RAB25: variants seen among roughly 807,000 people sequenced by gnomAD.
RAB25 encodes ras-related protein Rab-25.
A neutral mutation model predicts 25.2 loss-of-function variants in RAB25; 23 were observed. The ratio of observed to expected loss-of-function variants is 0.91; its 90% CI spans 0.66 to 1.29. The LOEUF (loss-of-function observed/expected upper bound fraction) is 1.29, where lower values mean the gene tolerates loss of function less well. Ranked by LOEUF, RAB25 falls within the 50% of genes most tolerant of loss-of-function variation. The pLI, the probability that RAB25 is intolerant of heterozygous loss-of-function variation, is 0.00. For missense variants in RAB25, 244 were observed against 277.3 expected (o/e 0.88, Z 0.85); for synonymous variants, 102 against 111.5 (o/e 0.91, Z 0.54).
intron 3 of RAB25, 25 bp from the exon 4 acceptor site, chr1:156,069,639 CACAATTA>C: frequency 5.3e-6 from 8 of 1,516,300 alleles, no homozygotes; most frequent in Non-Finnish European, 7.3e-6. Flanking sequence ...CTTTGACTCC[CACAATTA>C]ATGGTGTGTT....
At chr1:156,069,246 A>G (rs1293861385) in intron 3 of RAB25, among the ~76,000 whole-genome samples, 1 of 151,956 alleles carries the variant, frequency 6.6e-6, no homozygotes, top group African/African-American at 2.4e-5. Context: ...CAGTGGCACG[A>G]TCTTGGCTCA....
chr1:156,065,951 A>C lies in RAB25; in HGVS notation c.84A>C (p.Leu28=). ...AATCAGGTGTGGGGAAGACCAATCT[A>C]CTCTCCCGATTCACGCGCAATGAGT... is the stretch of plus-strand genomic sequence containing the variant. ...IGESGVGKTN[L]LSRFTRNEFS... is the part of the protein sequence containing the mutation. The change falls in exon 2 of 5, where the codon CTA becomes CTC. Residue 28 remains leucine (L), a synonymous_variant. Transcript: ENST00000361084. 2 of 1,611,268 alleles carry C rather than the reference A, an allele frequency of 1.2e-6. No individual in the cohort carries two copies. Among genetic ancestry groups the C allele is most frequent in the African/African-American group, 1.3e-5 (1 of 74,568 alleles).
At chr1:156,070,114 T>C (rs1370559404) in intron 4 of RAB25, 46 bp from the exon 5 acceptor site, 10 of 1,613,850 alleles carry the variant, frequency 6.2e-6, no homozygotes, top group Non-Finnish European at 8.5e-6. Flanking sequence ...GAAGGGAGCA[T>C]GGGCTCTAAA....
In RAB25 at chr1:156,068,262, C is replaced by G. The variant is rs754624254; in HGVS notation, c.240-8C>G. 1 of 1,603,702 alleles carries G rather than the reference C, an allele frequency of 6.2e-7. No individual in the cohort carries two copies. The highest frequency in any genetic ancestry group is 1.3e-5 in the African/African-American group (1 of 74,732). On this transcript the variant is annotated splice_region_variant and splice_polypyrimidine_tract_variant and intron_variant, in intron 2 of 4. Transcript: ENST00000361084. ...GTATCTCTGTCCATCCTTCTCATTC[C>G]CACCCAGGTACTATCGTGGTGCAGT...
chr1:156,062,756 G>A (rs1374842239), intron 1 of RAB25, among the ~76,000 whole-genome samples: 1 of 152,054 alleles, frequency 6.6e-6, no homozygotes, highest in Non-Finnish European at 1.5e-5. Flanking sequence ...CCACTTACAA[G>A]TATTGCGGGT....
chr1:156,067,076 T>TA (rs1312576450), intron 2 of RAB25, among the ~76,000 whole-genome samples: 6 of 151,436 alleles, frequency 4.0e-5, no homozygotes, highest in Non-Finnish European at 8.8e-5. Flanking sequence ...CTACTAAAAA[T>TA]ACAAAAATTA....
chr1:156,068,192 C>T (rs1205834992), intron 2 of RAB25, 78 bp from the exon 3 acceptor site: 7 of 1,309,300 alleles, frequency 5.3e-6, no homozygotes, highest in Non-Finnish European at 6.5e-6. Context: ...CCGGGTGTTC[C>T]AGCTTGACGG....
Position 156,070,286 on chromosome 1 carries a change from G to C in RAB25, c.641G>C (p.Ter214SerextTer44), listed in dbSNP as rs750608196. The change falls in exon 5 of 5, where the codon TGA becomes TCA. Residue 214 changes from the stop codon to serine (S), a stop_lost. Transcript: ENST00000361084. ...AAGAGGGCCTGTTGCATCAGCCTCTGACCTTGGCCAGCACCACCTGCCCCC... is the reference window on the plus strand; with the variant it reads ...AAGAGGGCCTGTTGCATCAGCCTCTCACCTTGGCCAGCACCACCTGCCCCC... ...GEKRACCISL[*>S] 6.2e-7 allele frequency: 1 copy of C among 1,613,112 alleles called. No individual in the cohort carries two copies. The highest frequency in any genetic ancestry group is 8.5e-7 in the Non-Finnish European group (1 of 1,179,284).
chr1:156,061,663 T>G (rs571921353), intron 1 of RAB25, among the ~76,000 whole-genome samples: 2 of 152,164 alleles, frequency 1.3e-5, no homozygotes, highest in Non-Finnish European at 2.9e-5. Flanking sequence ...AATAATGATG[T>G]TGATTCCTCC....
intron 3 of RAB25, among the ~76,000 whole-genome samples, chr1:156,069,445 C>T (rs901730524): frequency 2.0e-5 from 3 of 152,190 alleles, no homozygotes; most frequent in Admixed American, 6.5e-5. Flanking sequence ...TCCCAAAGTG[C>T]TGGGATTACA....
chr1:156,069,775 A>T, intron 4 of RAB25, 24 bp downstream of exon 4: 1 of 1,572,462 alleles, frequency 6.4e-7, no homozygotes, highest in Non-Finnish European at 8.8e-7. Context: ...TTTATTCTGC[A>T]CCCCTATTCC....
At chr1:156,069,434 C>T (rs1647841619) in intron 3 of RAB25, among the ~76,000 whole-genome samples, 1 of 152,212 alleles carries the variant, frequency 6.6e-6, no homozygotes, top group Non-Finnish European at 1.5e-5. Context: ...CCACCTCAGC[C>T]TCCCAAAGTG....
At chr1:156,068,071 C>T in intron 2 of RAB25, 199 bp from the exon 3 acceptor site, 1 of 494,542 alleles carries the variant, frequency 2.0e-6, no homozygotes, top group African/African-American at 1.9e-5. Context: ...TGAAACTTTA[C>T]AGGCTCCAAG....
At position 156,068,200 on chromosome 1, in the gene RAB25, C is replaced by T. The variant is rs567643266; in HGVS notation, c.240-70C>T. 7.1e-5 allele frequency: 96 copies of T among 1,351,126 alleles called. No individual in the cohort carries two copies. The African/African-American group carries it at 7.5e-4, about 11-fold the overall frequency. 83.7% of individuals were successfully genotyped at this position (1,351,126 alleles called of 1,614,324 possible). On this transcript the variant is annotated intron_variant, in intron 2 of 4. Transcript: ENST00000361084. Reference sequence around the variant, plus strand: ...TCTGATCCCGGGTGTTCCAGCTTGACGGCTCTGCTCTGATGCTGGGTCCAA... The same window carrying T: ...TCTGATCCCGGGTGTTCCAGCTTGATGGCTCTGCTCTGATGCTGGGTCCAA...
chr1:156,068,214 T>C, intron 2 of RAB25, 56 bp from the exon 3 acceptor site: 2 of 1,452,214 alleles, frequency 1.4e-6, no homozygotes, highest in Admixed American at 1.7e-5. Flanking sequence ...TCTGCTCTGA[T>C]GCTGGGTCCA....
At chr1:156,069,468 C>T (rs954203584) in intron 3 of RAB25, among the ~76,000 whole-genome samples, 2 of 152,184 alleles carry the variant, frequency 1.3e-5, no homozygotes, top group Non-Finnish European at 1.5e-5. Flanking sequence ...CGTGAGCCAC[C>T]GCACCCAGCC....
At chr1:156,064,976 T>C (rs1034136337) in intron 1 of RAB25, among the ~76,000 whole-genome samples, 3 of 152,168 alleles carry the variant, frequency 2.0e-5, no homozygotes, top group Non-Finnish European at 4.4e-5. Context: ...CCCTACACTC[T>C]ACCCCAGCCC....
chr1:156,065,975 G>T lies in RAB25; in HGVS notation c.108G>T (p.Glu36Asp), dbSNP rs770343954. ...TACTCTCCCGATTCACGCGCAATGA[G>T]TTCAGCCACGACAGCCGCACCACCA... The part of the protein sequence containing the change: ...TNLLSRFTRN[E>D]FSHDSRTTIG... The change falls in exon 2 of 5, where the codon GAG becomes GAT. Residue 36 changes from glutamate (E) to aspartate (D), a missense_variant. Glu to Asp is a conservative substitution (Grantham distance 45). Coordinates refer to ENST00000361084, the MANE Select transcript of RAB25 (RefSeq NM_020387.4). The T allele has an allele frequency of 1.5e-4, 237 of 1,613,862 alleles. No homozygotes were observed. Among genetic ancestry groups the T allele is most frequent in the Non-Finnish European group, 2.0e-4 (233 of 1,179,914 alleles).
In RAB25 at chr1:156,061,272, C is replaced by T. The variant is rs745400697; in HGVS notation, c.-129C>T. On this transcript the variant is annotated 5_prime_UTR_variant, in exon 1 of 5. Transcript: ENST00000361084. The stretch of plus-strand genomic sequence containing the variant: ...CCCAATCCCTCTGGCTGCAGAAGTC[C>T]CCTTACCCCCAATGAGAGGAGGGGC... 9.5e-6 allele frequency: 9 copies of T among 951,724 alleles called. No individual in the cohort carries two copies. The highest frequency in any genetic ancestry group is 1.5e-5 in the Non-Finnish European group (9 of 601,318). The allele number at this position is 951,724 out of a possible 1,614,324, so 59.0% of individuals were successfully genotyped here.
Sources: allele counts gnomAD v4.1 joint callset (sites outside exome capture counted in the v4.1 genomes callset), GRCh38; gene constraint gnomAD v4.1.1; transcripts MANE v1.5; gene names NCBI Gene and HGNC (gene_info 2026-07-23, HGNC 2026-07-21).